Variants in GRM8 observed in about 807,000 individuals in gnomAD.
The protein encoded by GRM8 is metabotropic glutamate receptor 8.
In GRM8, 47 loss-of-function variants were observed where a neutral mutation model predicts 87.2. That is an observed-to-expected ratio of 0.54 (90% CI 0.43 to 0.69). The LOEUF (loss-of-function observed/expected upper bound fraction) is 0.69. GRM8 is among the 30% of genes least tolerant of loss of function. The pLI is 0.00. For synonymous variants in GRM8, 396 were observed against 404.5 expected (o/e 0.98, Z 0.25); for missense variants, 1,019 against 1,139.2 (o/e 0.89, Z 1.52).
chr7:127,102,914 G>A (rs929713422), intron 3 of GRM8, among the ~76,000 whole-genome samples: 1 of 152,224 alleles, frequency 6.6e-6, no homozygotes, highest in Admixed American at 6.5e-5. Flanking sequence ...CCAGGTTGAA[G>A]TGCATTGGTG....
intron 7 of GRM8, among the ~76,000 whole-genome samples, chr7:126,640,740 C>T (rs892102405): frequency 3.3e-5 from 5 of 152,012 alleles, no homozygotes; most frequent in East Asian, 1.9e-4. Context: ...GACCTTCCCC[C>T]CCTCCTACCC....
chr7:126,443,794 G>A (rs1423328452), intron 10 of GRM8, among the ~76,000 whole-genome samples: 1 of 151,832 alleles, frequency 6.6e-6, no homozygotes, highest in African/African-American at 2.4e-5. Flanking sequence ...AGAAATACAT[G>A]CAGGCTATAT....
At chr7:126,472,791 C>A (rs775141065) in intron 9 of GRM8, among the ~76,000 whole-genome samples, 21 of 152,202 alleles carry the variant, frequency 1.4e-4, no homozygotes, top group Non-Finnish European at 1.9e-4. Flanking sequence ...GAGCCCAGGG[C>A]CCTACTGCTT....
intron 6 of GRM8, among the ~76,000 whole-genome samples, chr7:126,830,636 C>T (rs1028671340): frequency 2.6e-5 from 4 of 152,108 alleles, no homozygotes; most frequent in Admixed American, 2.6e-4. Context: ...AACTTCTTTG[C>T]CTTTGGTTTG....
At chr7:127,190,052 T>C (rs1487510167) in intron 2 of GRM8, among the ~76,000 whole-genome samples, 1 of 152,232 alleles carries the variant, frequency 6.6e-6, no homozygotes, top group South Asian at 2.1e-4. Context: ...TGGCCAGACT[T>C]GTTCACGTCT....
chr7:126,550,481 T>C (rs1009197032), intron 8 of GRM8, among the ~76,000 whole-genome samples: 1 of 152,162 alleles, frequency 6.6e-6, no homozygotes, highest in African/African-American at 2.4e-5. Flanking sequence ...GAAAACTTTG[T>C]TTAGGCCACA....
At chr7:127,188,535 A>C (rs2116465645) in intron 2 of GRM8, among the ~76,000 whole-genome samples, 1 of 152,318 alleles carries the variant, frequency 6.6e-6, no homozygotes. Context: ...CTTGAAAAAA[A>C]CCATCTTCAA....
At chr7:126,715,628 CAA>C (rs900661230) in intron 7 of GRM8, among the ~76,000 whole-genome samples, 2 of 151,926 alleles carry the variant, frequency 1.3e-5, no homozygotes, top group East Asian at 1.9e-4. Flanking sequence ...CACAAATCTC[CAA>C]AAAAATTTCC....
intron 3 of GRM8, among the ~76,000 whole-genome samples, chr7:127,042,086 T>TA (rs1818480211): frequency 6.6e-6 from 1 of 152,202 alleles, no homozygotes; most frequent in African/African-American, 2.4e-5. Context: ...GTGATACTTT[T>TA]ACATCTTTCT....
At chr7:127,246,907 C>A (rs1238943044) in intron 1 of GRM8, among the ~76,000 whole-genome samples, 2 of 152,192 alleles carry the variant, frequency 1.3e-5, no homozygotes, top group Non-Finnish European at 2.9e-5. Flanking sequence ...ATGGCCCCAA[C>A]CCCTGAGAGC....
chr7:126,603,283 T>G (rs1384928457), intron 8 of GRM8, among the ~76,000 whole-genome samples: 1 of 145,144 alleles, frequency 6.9e-6, no homozygotes, highest in Non-Finnish European at 1.5e-5. Context: ...AATATCATAC[T>G]GAATGGGCAA....
chr7:126,485,236 T>C (rs1476029834), intron 9 of GRM8, among the ~76,000 whole-genome samples: 2 of 151,778 alleles, frequency 1.3e-5, no homozygotes, highest in African/African-American at 4.8e-5. Flanking sequence ...AATCAAGAAA[T>C]GTCATAATAA....
chr7:126,459,998 C>T (rs1803707953), intron 9 of GRM8, among the ~76,000 whole-genome samples: 1 of 151,476 alleles, frequency 6.6e-6, no homozygotes. Flanking sequence ...CAGCCCTAGA[C>T]TTACTACATC....
Position 126,659,967 on chromosome 7 carries a change from G to A in GRM8, c.1358-50469C>T, listed in dbSNP as rs556928566. On this transcript the variant is annotated intron_variant, in intron 7 of 10. Coordinates refer to ENST00000339582, the MANE Select transcript of GRM8 (RefSeq NM_000845.3). ...CATTAAATATATTAATCCATCCTCT[G>A]TCATATACATTTAAAATATCATTGA... Among the ~76,000 whole-genome samples the A allele has an allele frequency of 3.9e-5, 6 of 152,166 alleles. No homozygotes were observed. The South Asian group carries it at 1.2e-3, about 32-fold the overall frequency.
intron 3 of GRM8, among the ~76,000 whole-genome samples, chr7:126,998,459 A>C (rs1586711456): frequency 1.3e-5 from 2 of 151,828 alleles, no homozygotes; most frequent in East Asian, 1.9e-4. Context: ...ATGGTGTCCA[A>C]ATTGGAAAGG....
chr7:126,593,685 T>A (rs975610850), intron 8 of GRM8, among the ~76,000 whole-genome samples: 1 of 152,018 alleles, frequency 6.6e-6, no homozygotes. Flanking sequence ...GACATAGGTC[T>A]AAGTAATGAC....
intron 3 of GRM8, among the ~76,000 whole-genome samples, chr7:127,072,768 A>G (rs573281131): frequency 5.3e-5 from 8 of 152,204 alleles, no homozygotes; most frequent in African/African-American, 9.6e-5. Flanking sequence ...AGGATGTTCA[A>G]TTTGGGGAGA....
At chr7:126,608,493 C>T (rs1170979313) in intron 8 of GRM8, among the ~76,000 whole-genome samples, 1 of 152,158 alleles carries the variant, frequency 6.6e-6, no homozygotes, top group African/African-American at 2.4e-5. Flanking sequence ...AACTTGCTTC[C>T]GGCTGGGCTC....
intron 7 of GRM8, among the ~76,000 whole-genome samples, chr7:126,748,367 T>A (rs1447910208): frequency 6.6e-6 from 1 of 152,100 alleles, no homozygotes; most frequent in Non-Finnish European, 1.5e-5. Context: ...TAGAAATGGT[T>A]ATTTTTTAAA....
Sources: gnomAD v4.1 joint callset for allele counts (sites outside exome capture counted in the v4.1 genomes callset) on GRCh38, gnomAD v4.1.1 for gene constraint, MANE v1.5 for transcripts, NCBI Gene and HGNC (gene_info 2026-07-23, HGNC 2026-07-21) for gene names.